The following SOS2 variants were observed in gnomAD, a reference collection of about 807,000 sequenced individuals.
The protein encoded by SOS2 is SOS Ras/Rho guanine nucleotide exchange factor 2.
In SOS2, 65 loss-of-function variants were observed where a neutral mutation model predicts 148.2. The observed-to-expected ratio is 0.44, with a 90% CI of 0.36 to 0.54. The LOEUF is 0.54. Among genes scored for constraint, SOS2 ranks in the 20% least tolerant of loss-of-function variants. The pLI is 0.00. For synonymous variants in SOS2, 539 were observed against 537.1 expected (o/e 1.00, Z -0.05); for missense variants, 1,341 against 1,590.2 (o/e 0.84, Z 2.67).
chr14:50,123,022 A>G (rs546475041), intron 21 of SOS2, among the ~76,000 whole-genome samples: 1 of 152,292 alleles, frequency 6.6e-6, no homozygotes, highest in South Asian at 2.1e-4. Context: ...AAGATAAGTA[A>G]AAGTATGATG....
chr14:50,183,733 G>A (rs960425973), intron 5 of SOS2, among the ~76,000 whole-genome samples: 1 of 152,114 alleles, frequency 6.6e-6, no homozygotes, highest in African/African-American at 2.4e-5. Flanking sequence ...GTAAGAGCTG[G>A]GATGAGAATG....
At chr14:50,188,232 A>C (rs908874936) in intron 5 of SOS2, among the ~76,000 whole-genome samples, 6 of 151,808 alleles carry the variant, frequency 4.0e-5, no homozygotes, top group Non-Finnish European at 1.5e-5. Context: ...AAGAAACCCC[A>C]TCTCTACTAA....
At chr14:50,122,260 A>C (rs775496760) in intron 21 of SOS2, among the ~76,000 whole-genome samples, 5 of 152,118 alleles carry the variant, frequency 3.3e-5, no homozygotes, top group East Asian at 1.9e-4. Context: ...ACTTCTCTCT[A>C]TATATAATTT....
At chr14:50,153,891 G>A (rs947441717) in intron 12 of SOS2, among the ~76,000 whole-genome samples, 1 of 152,202 alleles carries the variant, frequency 6.6e-6, no homozygotes, top group Non-Finnish European at 1.5e-5. Context: ...GGGATTATAG[G>A]CGTGAGCCAC....
At chr14:50,198,152 T>C (rs780067176) in intron 4 of SOS2, among the ~76,000 whole-genome samples, 2 of 152,108 alleles carry the variant, frequency 1.3e-5, no homozygotes, top group Non-Finnish European at 2.9e-5. Flanking sequence ...TTGAATGATG[T>C]TTGAAAGTTA....
chr14:50,126,506 T>C (rs1424661567), intron 21 of SOS2, among the ~76,000 whole-genome samples: 3 of 151,854 alleles, frequency 2.0e-5, no homozygotes, highest in Admixed American at 6.6e-5. Flanking sequence ...AAAATAAAAT[T>C]TAAAAATACT....
chr14:50,198,981 C>T (rs1488590355), intron 4 of SOS2, among the ~76,000 whole-genome samples: 1 of 152,068 alleles, frequency 6.6e-6, no homozygotes, highest in Middle Eastern at 3.2e-3. Flanking sequence ...TGGTGAAACC[C>T]TATCTCTCCA....
rs1239240684 is a variant in SOS2 at position 50,231,525 on chromosome 14, G to T, written c.-242C>A. On this transcript the variant is annotated 5_prime_UTR_variant, in exon 1 of 23. Transcript: ENST00000216373. ...GCAGAGGAAGCGCGGCGACCCGCAA[G>T]CCCGGGCGACCCCGGGCGGCGACCT... The T allele has an allele frequency of 1.3e-5, 2 of 151,740 alleles. No homozygotes were observed. Among genetic ancestry groups the T allele is most frequent in the Admixed American group, 1.3e-4 (2 of 15,204 alleles). 9.4% of individuals were successfully genotyped at this position (151,740 alleles called of 1,614,324 possible).
chr14:50,221,187 A>G, intron 1 of SOS2, among the ~76,000 whole-genome samples: 1 of 152,260 alleles, frequency 6.6e-6, no homozygotes. Context: ...ATTGCAGCAG[A>G]CAACAAAGAT....
chr14:50,199,686 C>T lies in SOS2; in HGVS notation c.510+5G>A, dbSNP rs1057355059. 2 of 1,568,674 alleles carry T rather than the reference C, an allele frequency of 1.3e-6. No homozygotes were observed. Among genetic ancestry groups the T allele is most frequent in the Admixed American group, 1.9e-5 (1 of 53,504 alleles). Reference sequence around the variant, plus strand: ...AGTTAAATTTAAATACCTTGTAACACTTACCTTATCCGCACACATTGACAC... The same window carrying T: ...AGTTAAATTTAAATACCTTGTAACATTTACCTTATCCGCACACATTGACAC... On this transcript the variant is annotated splice_donor_5th_base_variant and intron_variant, in intron 4 of 22. Coordinates refer to ENST00000216373, the MANE Select transcript of SOS2 (RefSeq NM_006939.4).
At chr14:50,200,889 T>C in intron 3 of SOS2, 64 bp downstream of exon 3, 1 of 1,487,574 alleles carries the variant, frequency 6.7e-7, no homozygotes, top group Non-Finnish European at 9.3e-7. Context: ...GCTTTATAAA[T>C]ATAGAAATAA....
At position 50,150,277 on chromosome 14, in the gene SOS2, T is replaced by A. The variant is rs369470764; in HGVS notation, c.2162-47A>T. The A allele has an allele frequency of 3.4e-5, 41 of 1,214,930 alleles. No homozygotes were observed. The Middle Eastern group carries it at 5.8e-4, about 17-fold the overall frequency. The allele number at this position is 1,214,930 out of a possible 1,614,324, so 75.3% of individuals were successfully genotyped here. A position where few individuals can be genotyped will look rare whatever the true frequency, so the allele number is the denominator to read the frequency against. Reference sequence around the variant, plus strand: ...AAAAATGTCTTTTACTTGACAGACATGACTGCAAATCTTCATTTAATCCTT... The same window carrying A: ...AAAAATGTCTTTTACTTGACAGACAAGACTGCAAATCTTCATTTAATCCTT... On this transcript the variant is annotated intron_variant, in intron 13 of 22. Transcript: ENST00000216373.
At chr14:50,186,794 G>A (rs1049725232) in intron 5 of SOS2, among the ~76,000 whole-genome samples, 1 of 152,056 alleles carries the variant, frequency 6.6e-6, no homozygotes, top group African/African-American at 2.4e-5. Flanking sequence ...TATAAACATT[G>A]TTAAACTAAA....
intron 4 of SOS2, among the ~76,000 whole-genome samples, chr14:50,195,325 T>G (rs552276360): frequency 6.6e-6 from 1 of 152,308 alleles, no homozygotes; most frequent in Admixed American, 6.5e-5. Context: ...GACTATTGTC[T>G]TCACAGTTTT....
At chr14:50,136,570 A>T (rs1884087267) in intron 18 of SOS2, among the ~76,000 whole-genome samples, 1 of 146,862 alleles carries the variant, frequency 6.8e-6, no homozygotes, top group Non-Finnish European at 1.5e-5. Flanking sequence ...TACCACCTTT[A>T]TTTTTTTTAA....
Position 50,204,279 on chromosome 14 carries a change from T to G in SOS2, c.213+5A>C. 1.3e-6 allele frequency: 2 copies of G among 1,556,008 alleles called. No homozygotes were observed. The highest frequency in any genetic ancestry group is 1.2e-5 in the South Asian group (1 of 80,896). ...GACTTTTTGAAATGACAAAATAATT[T>G]TTACCTCTACATCTTGAACAGTCCT... is the stretch of plus-strand genomic sequence containing the variant. On this transcript the variant is annotated splice_donor_5th_base_variant and intron_variant, in intron 2 of 22. Coordinates refer to ENST00000216373, the MANE Select transcript of SOS2 (RefSeq NM_006939.4).
At chr14:50,165,971 T>C (rs781417117) in intron 8 of SOS2, among the ~76,000 whole-genome samples, 1 of 152,122 alleles carries the variant, frequency 6.6e-6, no homozygotes, top group Non-Finnish European at 1.5e-5. Flanking sequence ...GTCTCTGCTT[T>C]TTTGCTACAC....
chr14:50,137,780 T>C (rs1012344859), intron 18 of SOS2, among the ~76,000 whole-genome samples: 6 of 152,186 alleles, frequency 3.9e-5, no homozygotes, highest in Non-Finnish European at 8.8e-5. Context: ...GGGGTATCCA[T>C]TCCCTCAAGC....
intron 21 of SOS2, among the ~76,000 whole-genome samples, chr14:50,120,945 G>A (rs1280260391): frequency 1.3e-5 from 2 of 151,862 alleles, no homozygotes; most frequent in Non-Finnish European, 2.9e-5. Flanking sequence ...TCACCATGTT[G>A]GTCAGGCTGG....
Sources: gnomAD v4.1 joint callset for allele counts (sites outside exome capture counted in the v4.1 genomes callset) on GRCh38, gnomAD v4.1.1 for gene constraint, MANE v1.5 for transcripts, NCBI Gene and HGNC (gene_info 2026-07-23, HGNC 2026-07-21) for gene names.